The following USP42 variants were observed in gnomAD, a reference collection of about 807,000 sequenced individuals.
USP42 encodes ubiquitin carboxyl-terminal hydrolase 42.
USP42 carries 23 observed loss-of-function variants against 113.0 expected under a neutral mutation model. The observed-to-expected ratio is 0.20, with a 90% CI of 0.15 to 0.29. The LOEUF (loss-of-function observed/expected upper bound fraction) is 0.29, where lower values mean the gene tolerates loss of function less well. USP42 is among the 10% of genes least tolerant of loss of function. The pLI is 1.00. For synonymous variants in USP42, 933 were observed against 699.0 expected, an observed-to-expected ratio of 1.33 and a Z score of -5.28; for missense variants, 2,174 against 1,779.8, an observed-to-expected ratio of 1.22 and a Z score of -3.99.
At chr7:6,141,759 T>C (rs1249162309) in intron 7 of USP42, among the ~76,000 whole-genome samples, 1 of 152,216 alleles carries the variant, frequency 6.6e-6, no homozygotes, top group Non-Finnish European at 1.5e-5. Flanking sequence ...TTGTTGTTTT[T>C]GAGCTTGCAT....
At chr7:6,095,981 C>T in the USP42 span, among the ~76,000 whole-genome samples, 1 of 150,414 alleles carries the variant, frequency 6.6e-6, no homozygotes. Flanking sequence ...AGGTTGGTCT[C>T]GAATTCCTAG....
chr7:6,091,714 C>CACACACACAT, the USP42 span, among the ~76,000 whole-genome samples: 1 of 148,692 alleles, frequency 6.7e-6, no homozygotes, highest in South Asian at 2.1e-4. Flanking sequence ...CACACACACA[C>CACACACACAT]ATATATATGT....
In USP42 at chr7:6,144,043, A is replaced by T. The variant is rs7778839; in HGVS notation, c.879-42A>T. ...GACCAAAATACCACAAATTGTGTGT[A>T]TATATTCGTCTTCTTATACTTTTGT... On this transcript the variant is annotated intron_variant, in intron 8 of 17. Transcript: ENST00000306177. 12,076 of 1,268,416 alleles carry T rather than the reference A, an allele frequency of 9.5e-3. 933 individuals are homozygous for T. In the African/African-American group the frequency reaches 0.17, roughly 17 times the overall value. The allele number at this position is 1,268,416 out of a possible 1,614,324, so 78.6% of individuals were successfully genotyped here. A position where few individuals can be genotyped will look rare whatever the true frequency, so the allele number is the denominator to read the frequency against.
the USP42 span, chr7:6,081,540 C>T: frequency 1.3e-5 from 2 of 152,330 alleles, no homozygotes; most frequent in Non-Finnish European, 2.9e-5. Context: ...CCGCCCCACC[C>T]ACGCGCGCGC....
chr7:6,084,120 G>A, the USP42 span, among the ~76,000 whole-genome samples: 3 of 151,250 alleles, frequency 2.0e-5, no homozygotes, highest in South Asian at 2.1e-4. Context: ...TCCGCCTCTC[G>A]GGTTCAAGTG....
chr7:6,096,027 T>G, the USP42 span, among the ~76,000 whole-genome samples: 1 of 150,956 alleles, frequency 6.6e-6, no homozygotes, highest in Non-Finnish European at 1.5e-5. Flanking sequence ...TTCCCAAGCA[T>G]TGGGATTCCA....
intron 3 of USP42, among the ~76,000 whole-genome samples, chr7:6,127,194 A>G (rs1780588789): frequency 1.3e-5 from 2 of 151,982 alleles, no homozygotes; most frequent in Non-Finnish European, 2.9e-5. Flanking sequence ...TTGTACTGTC[A>G]AGTTTTGAGG....
At chr7:6,118,016 T>C (rs1186456667) in intron 3 of USP42, among the ~76,000 whole-genome samples, 1 of 152,208 alleles carries the variant, frequency 6.6e-6, no homozygotes, top group Non-Finnish European at 1.5e-5. Context: ...TTTGATTCTT[T>C]TCAGTGTCTT....
intron 3 of USP42, among the ~76,000 whole-genome samples, chr7:6,121,491 G>A (rs1337757143): frequency 2.0e-5 from 3 of 151,924 alleles, no homozygotes; most frequent in Non-Finnish European, 4.4e-5. Context: ...TTGGCATTAG[G>A]GTAATGTTGG....
intron 10 of USP42, 25 bp from the exon 11 acceptor site, chr7:6,146,123 C>G (rs1781703718): frequency 1.4e-6 from 2 of 1,442,608 alleles, no homozygotes; most frequent in African/African-American, 1.4e-5. Flanking sequence ...TCTAATCTCT[C>G]TCTTTTATTG....
intron 3 of USP42, among the ~76,000 whole-genome samples, chr7:6,127,845 G>C (rs1382550337): frequency 6.6e-6 from 1 of 152,116 alleles, no homozygotes; most frequent in African/African-American, 2.4e-5. Context: ...TTAATTTGGG[G>C]GGATTAACAT....
In USP42 at chr7:6,110,260, G is replaced by T. The variant is rs534611715; in HGVS notation, c.-9-865G>T. On this transcript the variant is annotated intron_variant, in intron 1 of 17. Coordinates refer to ENST00000306177, the MANE Select transcript of USP42 (RefSeq NM_032172.3). ...ACCAGAAGGAAGCCTGGCTGGGAAC[G>T]CTGGACCTGGCTCTCAGTCCCAGTT... 4.6e-5 allele frequency among the ~76,000 whole-genome samples: 7 copies of T among 152,286 alleles called. No homozygotes were observed. The South Asian group carries it at 1.4e-3, about 32-fold the overall frequency.
intron 2 of USP42, chr7:6,111,960 T>C: frequency 6.6e-6 from 1 of 152,468 alleles, no homozygotes; most frequent in Middle Eastern, 2.2e-3. Context: ...TGGTGAGAAT[T>C]GAGATGGGCA....
Position 6,160,950 on chromosome 7 carries a change from A to T in USP42, c.*432A>T, listed in dbSNP as rs1653878469. ...ACTGACAGTGTGTATATTTAATTTA[A>T]AGACTTATTTAAAAACTCACAAGCT... is the stretch of plus-strand genomic sequence containing the variant. On this transcript the variant is annotated 3_prime_UTR_variant, in exon 18 of 18. Transcript: ENST00000306177. The T allele has an allele frequency of 1.3e-5, 2 of 152,654 alleles. No individual in the cohort carries two copies. Among genetic ancestry groups the T allele is most frequent in the South Asian group, 4.1e-4 (2 of 4,834 alleles). The allele number at this position is 152,654 out of a possible 1,614,324, so 9.5% of individuals were successfully genotyped here.
chr7:6,159,659 G>A lies in USP42; in HGVS notation c.*36+166G>A, dbSNP rs575574982. Reference sequence around the variant, plus strand: ...CCCAGCCAGCCCAGACCCAGGCCACGCGCTTGGGGACAGACCTAGACCCTC... The same window carrying A: ...CCCAGCCAGCCCAGACCCAGGCCACACGCTTGGGGACAGACCTAGACCCTC... On this transcript the variant is annotated intron_variant, in intron 17 of 17. Transcript: ENST00000306177. This position sits in a 1 kb window ranked among gnomAD's most constrained non-coding sequence, Gnocchi z 4.1. Among the ~76,000 whole-genome samples the A allele has an allele frequency of 1.2e-4, 18 of 152,280 alleles. No homozygotes were observed. The highest frequency in any genetic ancestry group is 3.1e-4 in the African/African-American group (13 of 41,562).
chr7:6,151,597 C>T (rs1370906819), intron 14 of USP42, among the ~76,000 whole-genome samples: 1 of 151,072 alleles, frequency 6.6e-6, no homozygotes, highest in Non-Finnish European at 1.5e-5. Context: ...GCCACCCCAC[C>T]CAGCTAATTT....
At chr7:6,136,387 G>A (rs577981262) in intron 4 of USP42, among the ~76,000 whole-genome samples, 35 of 152,236 alleles carry the variant, frequency 2.3e-4, no homozygotes, top group Non-Finnish European at 4.3e-4. Flanking sequence ...TTTGTCGTAC[G>A]TGGCTATGTC....
intron 3 of USP42, among the ~76,000 whole-genome samples, chr7:6,128,833 G>T (rs115400744): frequency 7.9e-6 from 1 of 127,198 alleles, no homozygotes; most frequent in Admixed American, 7.4e-5. Flanking sequence ...TTTTTTGGGG[G>T]TGGGTCGTGG....
At chr7:6,117,822 T>C (rs529691533) in intron 3 of USP42, among the ~76,000 whole-genome samples, 2 of 152,364 alleles carry the variant, frequency 1.3e-5, no homozygotes, top group South Asian at 4.1e-4. Flanking sequence ...TTTTCTTTTT[T>C]GTTTTGTTTT....
Sources: allele counts gnomAD v4.1 joint callset (sites outside exome capture counted in the v4.1 genomes callset), GRCh38; gene constraint gnomAD v4.1.1; non-coding constraint Gnocchi (gnomAD v3.1); transcripts MANE v1.5; gene names NCBI Gene and HGNC (gene_info 2026-07-23, HGNC 2026-07-21).